Variants in SLCO5A1 observed in about 807,000 individuals in gnomAD.
SLCO5A1 encodes organic anion transporter polypeptide-related protein 4.
SLCO5A1 carries 39 observed loss-of-function variants against 65.1 expected under a neutral mutation model. That is an observed-to-expected ratio of 0.60 (90% CI 0.46 to 0.78). SLCO5A1 has a LOEUF of 0.78. Ranked by LOEUF, SLCO5A1 falls within the 30% of genes least tolerant of loss-of-function variation. SLCO5A1 has a pLI of 0.00. For missense variants in SLCO5A1, 1,029 were observed against 1,069.4 expected, an observed-to-expected ratio of 0.96 and a Z score of 0.53; for synonymous variants, 438 against 415.7, an observed-to-expected ratio of 1.05 and a Z score of -0.65.
At chr8:69,723,742 T>G (rs1299821255) in intron 5 of SLCO5A1, among the ~76,000 whole-genome samples, 1 of 151,524 alleles carries the variant, frequency 6.6e-6, no homozygotes, top group African/African-American at 2.4e-5. Context: ...ATAGGATAGG[T>G]GCTCATTCGT....
chr8:69,828,604 A>C (rs1485079982), intron 2 of SLCO5A1, among the ~76,000 whole-genome samples: 2 of 151,154 alleles, frequency 1.3e-5, no homozygotes, highest in Admixed American at 6.6e-5. Context: ...TCGTCTCAAA[A>C]AAAAAAAGAA....
In SLCO5A1 at chr8:69,667,141, A is replaced by C. The variant is rs1229554614; in HGVS notation, c.*5728T>G. 2 of 152,226 alleles carry C rather than the reference A, an allele frequency of 1.3e-5. No homozygotes were observed. The highest frequency in any genetic ancestry group is 4.8e-5 in the African/African-American group (2 of 41,446). The allele number at this position is 152,226 out of a possible 1,614,324, so 9.4% of individuals were successfully genotyped here. A position where few individuals can be genotyped will look rare whatever the true frequency, so the allele number is the denominator to read the frequency against. On this transcript the variant is annotated 3_prime_UTR_variant, in exon 10 of 10. Transcript: ENST00000260126. ...TGTAAACCAAGATTAGTACATCGAC[A>C]ACAGATTTCATTAAACACACGGAAA... is the stretch of plus-strand genomic sequence containing the variant.
chr8:69,766,900 C>T (rs1818083537), intron 2 of SLCO5A1, among the ~76,000 whole-genome samples: 3 of 152,216 alleles, frequency 2.0e-5, no homozygotes, highest in African/African-American at 4.8e-5. Context: ...GTTACTCTCA[C>T]TGCTCCCATT....
At chr8:69,807,428 T>C (rs1820041476) in intron 2 of SLCO5A1, among the ~76,000 whole-genome samples, 1 of 152,228 alleles carries the variant, frequency 6.6e-6, no homozygotes, top group Non-Finnish European at 1.5e-5. Flanking sequence ...CATCGAGCTG[T>C]GCAATCAGAC....
At chr8:69,834,054 C>G (rs1185609616) in intron 1 of SLCO5A1, 1 of 151,970 alleles carries the variant, frequency 6.6e-6, no homozygotes, top group Admixed American at 6.6e-5. Context: ...ACCCCGCTAG[C>G]GTGGGCCTGG....
At chr8:69,784,873 G>GAGAA (rs1255949411) in intron 2 of SLCO5A1, among the ~76,000 whole-genome samples, 14 of 67,200 alleles carry the variant, frequency 2.1e-4, no homozygotes, top group African/African-American at 8.6e-4. Context: ...GGGAAGGAAG[G>GAGAA]AGAAAGAAAG....
intron 4 of SLCO5A1, among the ~76,000 whole-genome samples, chr8:69,753,866 A>G (rs1817432719): frequency 6.6e-6 from 1 of 151,802 alleles, no homozygotes; most frequent in African/African-American, 2.4e-5. Flanking sequence ...AAAAATACAA[A>G]AATTAGCTGG....
chr8:69,757,263 TCA>T (rs747305222), intron 3 of SLCO5A1, among the ~76,000 whole-genome samples: 7 of 152,254 alleles, frequency 4.6e-5, no homozygotes, highest in Non-Finnish European at 8.8e-5. Context: ...TCCAGCAATC[TCA>T]GTTATTCAGA....
intron 6 of SLCO5A1, among the ~76,000 whole-genome samples, chr8:69,699,661 C>G (rs34513988): frequency 1.3e-5 from 2 of 152,064 alleles, no homozygotes; most frequent in African/African-American, 4.8e-5. Context: ...ACAATCAAGA[C>G]GGCAAAATAA....
At chr8:69,700,693 G>A (rs1031669934) in intron 6 of SLCO5A1, among the ~76,000 whole-genome samples, 1 of 151,826 alleles carries the variant, frequency 6.6e-6, no homozygotes, top group Non-Finnish European at 1.5e-5. Flanking sequence ...AGAAAAGCCA[G>A]ACTTCCAAAA....
chr8:69,755,709 G>T, intron 3 of SLCO5A1, 68 bp from the exon 4 acceptor site: 1 of 1,416,458 alleles, frequency 7.1e-7, no homozygotes, highest in South Asian at 1.3e-5. Flanking sequence ...AATTAGTAAA[G>T]CAGAAGTTTG....
At chr8:69,733,789 T>C (rs1816437831) in intron 5 of SLCO5A1, among the ~76,000 whole-genome samples, 2 of 152,194 alleles carry the variant, frequency 1.3e-5, no homozygotes, top group South Asian at 4.1e-4. Flanking sequence ...TCCTGAGGCT[T>C]CCCCAGCCAT....
intron 5 of SLCO5A1, among the ~76,000 whole-genome samples, chr8:69,719,510 G>T (rs538351238): frequency 1.1e-4 from 16 of 152,286 alleles, no homozygotes; most frequent in African/African-American, 3.6e-4. Flanking sequence ...TAATAGTAAA[G>T]ATTAAAGTAA....
At chr8:69,810,291 G>C (rs1820159809) in intron 2 of SLCO5A1, among the ~76,000 whole-genome samples, 2 of 152,320 alleles carry the variant, frequency 1.3e-5, no homozygotes, top group Admixed American at 6.5e-5. Context: ...AGGAAGCCAG[G>C]TCCCAGGCAG....
At chr8:69,826,782 C>A (rs1820938149) in intron 2 of SLCO5A1, among the ~76,000 whole-genome samples, 1 of 152,124 alleles carries the variant, frequency 6.6e-6, no homozygotes, top group African/African-American at 2.4e-5. Context: ...TTTGACCCAG[C>A]CATCCCATTA....
rs534741196 is a variant in SLCO5A1 at position 69,766,939 on chromosome 8, C to A, written c.908-5064G>T. 2.0e-5 allele frequency among the ~76,000 whole-genome samples: 3 copies of A among 152,336 alleles called. No individual in the cohort carries two copies. The East Asian group carries it at 5.8e-4, about 29-fold the overall frequency. ...CCAGTGAACGCTCTACTGTCATGAA[C>A]AACAGTAGATGTCATGATGAAACTC... is the stretch of plus-strand genomic sequence containing the variant. On this transcript the variant is annotated intron_variant, in intron 2 of 9. Transcript: ENST00000260126.
intron 6 of SLCO5A1, among the ~76,000 whole-genome samples, chr8:69,688,946 T>C (rs1452352759): frequency 1.3e-5 from 2 of 151,954 alleles, no homozygotes; most frequent in Non-Finnish European, 2.9e-5. Flanking sequence ...TAGTTTACAG[T>C]CCCACCAACA....
intron 6 of SLCO5A1, among the ~76,000 whole-genome samples, chr8:69,696,573 C>T (rs1231998155): frequency 6.6e-6 from 1 of 152,102 alleles, no homozygotes; most frequent in Non-Finnish European, 1.5e-5. Context: ...TCTAAGGAAC[C>T]TGGAAGAAAT....
intron 2 of SLCO5A1, among the ~76,000 whole-genome samples, chr8:69,775,191 C>T (rs1453434129): frequency 2.6e-5 from 4 of 152,182 alleles, no homozygotes; most frequent in African/African-American, 9.7e-5. Context: ...GCTTTCTCCT[C>T]GCTGCCATAG....
Sources: allele counts gnomAD v4.1 joint callset (sites outside exome capture counted in the v4.1 genomes callset), GRCh38; gene constraint gnomAD v4.1.1; transcripts MANE v1.5; gene names NCBI Gene and HGNC (gene_info 2026-07-23, HGNC 2026-07-21).